The following UNC80 variants were observed in gnomAD, a reference collection of about 807,000 sequenced individuals.
The protein encoded by UNC80 is protein unc-80 homolog.
A neutral mutation model predicts 384.6 loss-of-function variants in UNC80; 164 were observed. That is an observed-to-expected ratio of 0.43 (90% CI 0.38 to 0.49). The LOEUF (loss-of-function observed/expected upper bound fraction) is 0.49, where lower values mean the gene tolerates loss of function less well. UNC80 is among the 20% of genes least tolerant of loss of function. UNC80 has a pLI of 0.00. For synonymous variants in UNC80, 1,486 were observed against 1,527.8 expected (o/e 0.97, Z 0.64); for missense variants, 3,330 against 4,143.0 (o/e 0.80, Z 5.39).
Position 209,818,988 on chromosome 2 carries a change from A to G in UNC80, c.1694-5A>G, listed in dbSNP as rs937985228. Reference sequence around the variant, plus strand: ...AGAACTAAGACATTGCTTTCATTTTATTAGTGCGATCTCAGATCTCCACCA... The same window carrying G: ...AGAACTAAGACATTGCTTTCATTTTGTTAGTGCGATCTCAGATCTCCACCA... On this transcript the variant is annotated splice_polypyrimidine_tract_variant and splice_region_variant and intron_variant, in intron 11 of 64. Coordinates refer to ENST00000673920, the MANE Select transcript of UNC80 (RefSeq NM_001371986.1). 1.9e-6 allele frequency: 3 copies of G among 1,550,484 alleles called. No homozygotes were observed. Among genetic ancestry groups the G allele is most frequent in the African/African-American group, 1.4e-5 (1 of 73,108 alleles).
intron 20 of UNC80, 128 bp from the exon 21 acceptor site, chr2:209,842,220 GAA>G: frequency 1.5e-6 from 1 of 660,204 alleles, no homozygotes; most frequent in Non-Finnish European, 2.5e-6. Context: ...ACCAGATGTG[GAA>G]GCCAGAAGAG....
chr2:209,986,175 G>A (rs1263684774), intron 61 of UNC80, among the ~76,000 whole-genome samples: 1 of 152,200 alleles, frequency 6.6e-6, no homozygotes, highest in African/African-American at 2.4e-5. Context: ...AAGTCTAGCA[G>A]AGTGTTCATT....
chr2:209,809,634 A>G (rs1485241515), intron 7 of UNC80: 2 of 615,712 alleles, frequency 3.2e-6, no homozygotes, highest in Non-Finnish European at 5.8e-6. Context: ...CCGCCAACCA[A>G]CAGCCTCCCC....
rs755508716 is a variant in UNC80, at chr2:209,982,139, T to C, written c.9119-40T>C. The C allele has an allele frequency of 1.2e-4, 179 of 1,538,432 alleles. 2 individuals are homozygous for C. The highest frequency in any genetic ancestry group is 8.5e-4 in the South Asian group (70 of 82,074). On this transcript the variant is annotated intron_variant, in intron 59 of 64. Coordinates refer to ENST00000673920, the MANE Select transcript of UNC80 (RefSeq NM_001371986.1). ...TTTGGTTGGGTTTTTCTGATCAGTG[T>C]CATAGTTTTTGTAACACTCTATTCC...
intron 13 of UNC80, among the ~76,000 whole-genome samples, chr2:209,823,054 T>A (rs2080254408): frequency 6.6e-6 from 1 of 152,236 alleles, no homozygotes; most frequent in Non-Finnish European, 1.5e-5. Flanking sequence ...TTCAGTGGAA[T>A]CAGAAGGTTT....
rs576992353 is a variant in UNC80, at chr2:209,910,455, C to A, written c.4783-2105C>A. 2.0e-5 allele frequency among the ~76,000 whole-genome samples: 3 copies of A among 152,122 alleles called. No homozygotes were observed. The South Asian group carries it at 6.2e-4, about 32-fold the overall frequency. Reference sequence around the variant, plus strand: ...CAAGTCATTAAAAAAGAGTTACTAGCTTATCACCTTGATGTGAAAGCCCTT... The same window carrying A: ...CAAGTCATTAAAAAAGAGTTACTAGATTATCACCTTGATGTGAAAGCCCTT... On this transcript the variant is annotated intron_variant, in intron 29 of 64. Coordinates refer to ENST00000673920, the MANE Select transcript of UNC80 (RefSeq NM_001371986.1).
Position 209,817,254 on chromosome 2 carries a change from T to C in UNC80, c.1552+129T>C, listed in dbSNP as rs1170882660. ...AAGAAATTTGGGGCTCAAATTCAGG[T>C]TCTCCAGTACCAAAATAATGCTGTG... On this transcript the variant is annotated intron_variant, in intron 10 of 64. Coordinates refer to ENST00000673920, the MANE Select transcript of UNC80 (RefSeq NM_001371986.1). 9 of 777,236 alleles carry C rather than the reference T, an allele frequency of 1.2e-5. No individual in the cohort carries two copies. In the East Asian group the frequency reaches 1.6e-4, roughly 14 times the overall value. 48.1% of individuals were successfully genotyped at this position (777,236 alleles called of 1,614,324 possible).
intron 23 of UNC80, among the ~76,000 whole-genome samples, chr2:209,875,828 AGATTTTCTGT>A (rs2084729758): frequency 6.6e-6 from 1 of 152,102 alleles, no homozygotes; most frequent in Admixed American, 6.6e-5. Flanking sequence ...ACCTTCTGTG[AGATTTTCTGT>A]GATCCTCTGA....
chr2:209,877,408 T>C (rs1468543061), intron 23 of UNC80, among the ~76,000 whole-genome samples: 1 of 152,118 alleles, frequency 6.6e-6, no homozygotes, highest in East Asian at 1.9e-4. Context: ...TTCTTACTAA[T>C]TCATAGAGTA....
intron 49 of UNC80, 104 bp from the exon 50 acceptor site, chr2:209,959,015 T>C: frequency 1.1e-6 from 1 of 915,686 alleles, no homozygotes; most frequent in Non-Finnish European, 1.7e-6. Context: ...CTTATCAAAA[T>C]GTATAGCTTC....
chr2:209,936,658 GTA>G (rs749940831), intron 40 of UNC80, among the ~76,000 whole-genome samples, 184 bp from the exon 41 acceptor site: 2 of 151,828 alleles, frequency 1.3e-5, no homozygotes, highest in African/African-American at 4.9e-5. Flanking sequence ...ATGTGTGTGT[GTA>G]TGTGTATACA....
rs570928867 is a variant in UNC80 at position 209,881,491 on chromosome 2, G to C, written c.4110+397G>C. Among the ~76,000 whole-genome samples, 50 of 152,192 alleles carry C rather than the reference G, an allele frequency of 3.3e-4. No individual in the cohort carries two copies. In the South Asian group the frequency reaches 0.01, roughly 32 times the overall value. On this transcript the variant is annotated intron_variant, in intron 25 of 64. Coordinates refer to ENST00000673920, the MANE Select transcript of UNC80 (RefSeq NM_001371986.1). Reference sequence around the variant, plus strand: ...TCTGTATAGAAATTTGCTTCTTAATGAGTGTTCTCTTTCAAATTATGGTTG... The same window carrying C: ...TCTGTATAGAAATTTGCTTCTTAATCAGTGTTCTCTTTCAAATTATGGTTG...
In UNC80 at chr2:209,848,992, GTGCTGTACCAATTTGTACAGCA is replaced by G. The variant is rs1172287735; in HGVS notation, c.3455-449_3455-428del. 7.9e-5 allele frequency among the ~76,000 whole-genome samples: 12 copies of G among 152,232 alleles called. No individual in the cohort carries two copies. In the East Asian group the frequency reaches 1.2e-3, roughly 15 times the overall value. ...AGAAAAGGTTTTTCCTTTCACCACA[GTGCTGTACCAATTTGTACAGCA>G]TGCTGTACCCAATGTACACATTATA... On this transcript the variant is annotated intron_variant, in intron 21 of 64. Transcript: ENST00000673920.
intron 22 of UNC80, among the ~76,000 whole-genome samples, chr2:209,856,532 A>G (rs1002697909): frequency 6.6e-6 from 1 of 152,026 alleles, no homozygotes; most frequent in Admixed American, 6.6e-5. Flanking sequence ...ATTTTTCTCT[A>G]AAAGTATTAA....
chr2:209,982,517 G>A lies in UNC80; in HGVS notation c.9257+200G>A, dbSNP rs1489583568. 5 of 536,376 alleles carry A rather than the reference G, an allele frequency of 9.3e-6. No homozygotes were observed. In the East Asian group the frequency reaches 1.8e-4, roughly 20 times the overall value. The allele number at this position is 536,376 out of a possible 1,614,324, so 33.2% of individuals were successfully genotyped here. On this transcript the variant is annotated intron_variant, in intron 60 of 64. Coordinates refer to ENST00000673920, the MANE Select transcript of UNC80 (RefSeq NM_001371986.1). ...TTTTCTAAGCCAAGCTAGTAGAAGGGATCCCAATTTCCAAGTATTGTCTCT... is the reference window on the plus strand; with the variant it reads ...TTTTCTAAGCCAAGCTAGTAGAAGGAATCCCAATTTCCAAGTATTGTCTCT...
intron 10 of UNC80, 43 bp from the exon 11 acceptor site, chr2:209,817,769 C>A: frequency 2.6e-6 from 4 of 1,548,940 alleles, no homozygotes; most frequent in Non-Finnish European, 3.5e-6. Context: ...GAATAACTTT[C>A]AGATTTTAAA....
At position 209,913,811 on chromosome 2, in the gene UNC80, T is replaced by A. The variant is rs942883658; in HGVS notation, c.4900T>A (p.Leu1634Met). The change falls in exon 31 of 65, where the codon TTG becomes ATG. Residue 1634 changes from leucine (L) to methionine (M), a missense_variant. Physicochemically the swap from Leu to Met is conservative, Grantham distance 15. Transcript: ENST00000673920. ...LKYIRLQVMSLSPAPLSLLIK... is the reference protein window; with the variant it reads ...LKYIRLQVMSMSPAPLSLLIK... ...TTCCATCTTTTCCCAGGTGATGAGC[T>A]TGTCGCCTGCTCCCTTATCTCTGTT... 3 of 1,546,982 alleles carry A rather than the reference T, an allele frequency of 1.9e-6. No individual in the cohort carries two copies. The highest frequency in any genetic ancestry group is 2.6e-6 in the Non-Finnish European group (3 of 1,143,340).
chr2:209,903,829 C>T (rs568498715), intron 28 of UNC80, among the ~76,000 whole-genome samples: 16 of 151,472 alleles, frequency 1.1e-4, no homozygotes, highest in African/African-American at 2.9e-4. Flanking sequence ...TAGGATCTCC[C>T]ACATGGCTGC....
chr2:209,823,383 G>A (rs2080274735), intron 13 of UNC80, among the ~76,000 whole-genome samples: 1 of 152,116 alleles, frequency 6.6e-6, no homozygotes, highest in Admixed American at 6.6e-5. Context: ...TTCCAAATAA[G>A]CCCTTGCTCA....
Sources: allele counts gnomAD v4.1 joint callset (sites outside exome capture counted in the v4.1 genomes callset), GRCh38; gene constraint gnomAD v4.1.1; transcripts MANE v1.5; gene names NCBI Gene and HGNC (gene_info 2026-07-23, HGNC 2026-07-21).